Variants in DACT2 observed in about 807,000 individuals in gnomAD.
DACT2 encodes the protein dishevelled binding antagonist of beta catenin 2, also known as dapper homolog 2.
Under a neutral mutation model 22.2 loss-of-function variants are expected in DACT2, and 20 were observed. That is an observed-to-expected ratio of 0.90 (90% CI 0.63 to 1.31). DACT2 has a LOEUF of 1.31. Ranked by LOEUF, DACT2 falls within the 50% of genes most tolerant of loss-of-function variation. The probability of loss-of-function intolerance (pLI) is 0.00; values close to 1 mark genes in which losing one functional copy is unlikely to be tolerated. For synonymous variants in DACT2, 463 were observed against 479.8 expected, an observed-to-expected ratio of 0.96 and a Z score of 0.46; for missense variants, 1,048 against 1,061.4, an observed-to-expected ratio of 0.99 and a Z score of 0.18.
chr6:168,309,550 G>A (rs976478364), intron 3 of DACT2, among the ~76,000 whole-genome samples: 2 of 105,410 alleles, frequency 1.9e-5, no homozygotes, highest in African/African-American at 3.5e-5. Context: ...AGGGAGAATC[G>A]CCAGTTCAGC....
Position 168,311,174 on chromosome 6 carries a change from G to A in DACT2, c.357C>T (p.Asp119=), listed in dbSNP as rs1397714107. 5 of 1,543,218 alleles carry A rather than the reference G, an allele frequency of 3.2e-6. No homozygotes were observed. The highest frequency in any genetic ancestry group is 4.4e-6 in the Non-Finnish European group (5 of 1,142,090). Residue 119 remains aspartate, a synonymous_variant, in exon 2 of 4, where the codon GAC becomes GAT. Transcript: ENST00000366795. ...DVGTASGEAL[D]SDSRPSSGFY... ...TACCTGAGCTGGGCCTGCTGTCGCT[G>A]TCCAGGGCCTCCCCTGAGGCTGTGC... is the stretch of plus-strand genomic sequence containing the variant.
intron 4 of DACT2, chr6:168,294,577 GTATATATATATATA>G: frequency 8.3e-6 from 1 of 120,872 alleles, no homozygotes; most frequent in East Asian, 1.7e-4. Flanking sequence ...GTGTGTGTGT[GTATATATATATATA>G]TATATATATA....
rs563656887 is a variant in DACT2 at position 168,309,314 on chromosome 6, C to T, written c.659-216G>A. Reference sequence around the variant, plus strand: ...GGGAATGCGTTTAAGACACTGGGCGCGGGGCAGACGGGAATGCGTTTAGAC... The same window carrying T: ...GGGAATGCGTTTAAGACACTGGGCGTGGGGCAGACGGGAATGCGTTTAGAC... On this transcript the variant is annotated intron_variant, in intron 3 of 3. Coordinates refer to ENST00000366795, the MANE Select transcript of DACT2 (RefSeq NM_214462.5). Among the ~76,000 whole-genome samples, 224 of 152,086 alleles carry T rather than the reference C, an allele frequency of 1.5e-3. 4 individuals are homozygous for T. In the South Asian group the frequency reaches 0.033, roughly 23 times the overall value.
At chr6:168,300,790 T>G (rs1779088345) in intron 3 of DACT2, among the ~76,000 whole-genome samples, 1 of 151,994 alleles carries the variant, frequency 6.6e-6, no homozygotes, top group Non-Finnish European at 1.5e-5. Context: ...ATTGGGACCA[T>G]CCTGGCCAAC....
At position 168,307,269 on chromosome 6, in the gene DACT2, A is replaced by G. The variant is rs3734904; in HGVS notation, c.*163T>C. 0.39 allele frequency: 557,324 copies of G among 1,436,638 alleles called. 112,124 individuals are homozygous for G. Among genetic ancestry groups the G allele is most frequent in the African/African-American group, 0.66 (45,938 of 69,308 alleles). The allele number at this position is 1,436,638 out of a possible 1,614,324, so 89.0% of individuals were successfully genotyped here. On this transcript the variant is annotated 3_prime_UTR_variant, in exon 4 of 4. Transcript: ENST00000366795. The surrounding 1 kb of genome is among the most constrained non-coding windows in gnomAD (Gnocchi z 5.3). The stretch of plus-strand genomic sequence containing the variant: ...TTTGCTGGGGCGGGGACTCACGGCC[A>G]TACTCCACAGGGCAGAACCCATCTG...
downstream of DACT2, among the ~76,000 whole-genome samples, chr6:168,304,740 G>C (rs1779169821): frequency 6.6e-6 from 1 of 152,210 alleles, no homozygotes; most frequent in Non-Finnish European, 1.5e-5. Flanking sequence ...AGCTTCATTT[G>C]ATGAAGGAGG....
chr6:168,309,348 CA>C (rs1453932856), intron 3 of DACT2, among the ~76,000 whole-genome samples: 4 of 151,840 alleles, frequency 2.6e-5, no homozygotes, highest in East Asian at 1.9e-4. Flanking sequence ...ACACAGGGTG[CA>C]GGGCCTCATT....
Position 168,297,090 on chromosome 6 carries a change from A to G in DACT2, c.659-2386T>C, listed in dbSNP as rs1032246564. 3.9e-5 allele frequency among the ~76,000 whole-genome samples: 6 copies of G among 152,292 alleles called. No homozygotes were observed. The South Asian group carries it at 8.3e-4, about 21-fold the overall frequency. On this transcript the variant is annotated intron_variant, in intron 3 of 5. Coordinates refer to the DACT2 transcript ENST00000366796. The stretch of plus-strand genomic sequence containing the variant: ...TGCACATAATGAACCCTAATTAAAC[A>G]CCATTTTATATCTGTTTGATTTGGC...
intron 1 of DACT2, 33 bp from the exon 2 acceptor site, chr6:168,311,317 G>T (rs753470171): frequency 3.3e-6 from 5 of 1,517,060 alleles, no homozygotes; most frequent in African/African-American, 1.4e-5. Flanking sequence ...GGGAACTGTT[G>T]TACCTATGGA....
chr6:168,303,504 A>G (rs1044276240), downstream of DACT2, among the ~76,000 whole-genome samples: 1 of 152,046 alleles, frequency 6.6e-6, no homozygotes, highest in African/African-American at 2.4e-5. Context: ...TTCTCTCACC[A>G]TGTGTCTCTT....
chr6:168,293,521 T>G, exon 6 of DACT2: 1 of 201,342 alleles, frequency 5.0e-6, no homozygotes, highest in Non-Finnish European at 1.0e-5. Flanking sequence ...TAACATTCTG[T>G]CAACTACTTT....
chr6:168,304,117 C>T (rs145684620), downstream of DACT2, among the ~76,000 whole-genome samples: 173 of 152,286 alleles, frequency 1.1e-3, no homozygotes, highest in Middle Eastern at 6.8e-3. Context: ...GGAAACAGCT[C>T]CTCTGTCTTC....
chr6:168,304,093 C>T (rs1394810904), downstream of DACT2, among the ~76,000 whole-genome samples: 1 of 152,144 alleles, frequency 6.6e-6, no homozygotes, highest in Admixed American at 6.5e-5. Context: ...ACTTTTTAAT[C>T]ACTTGAGAGA....
chr6:168,308,511 G>C lies in DACT2; in HGVS notation c.1246C>G (p.Gln416Glu). Residue 416 changes from glutamine (Q) to glutamate (E), a missense_variant, in exon 4 of 4, where the codon CAG becomes GAG. Gln to Glu is a conservative substitution (Grantham distance 29). Coordinates refer to ENST00000366795, the MANE Select transcript of DACT2 (RefSeq NM_214462.5). ...CCCTCCTCTGGAAGGCTGCCAGACT[G>C]CTGGGGACCCTCAAGGGGCATGTAT... ...QGYMPLEGPQ[Q>E]SGSLPEEGSK... The C allele has an allele frequency of 6.4e-7, 1 of 1,551,432 alleles. No individual in the cohort carries two copies. The highest frequency in any genetic ancestry group is 8.7e-7 in the Non-Finnish European group (1 of 1,146,954).
intron 3 of DACT2, chr6:168,299,528 C>T (rs1418511996): frequency 6.6e-6 from 1 of 152,186 alleles, no homozygotes; most frequent in Non-Finnish European, 1.5e-5. Context: ...TATTCTACTC[C>T]AGGCACTGTT....
chr6:168,297,576 G>A (rs1779029355), intron 3 of DACT2, among the ~76,000 whole-genome samples: 1 of 152,196 alleles, frequency 6.6e-6, no homozygotes, highest in African/African-American at 2.4e-5. Flanking sequence ...CTCAGCCCAG[G>A]GAGAATGATT....
At chr6:168,318,813 T>C (rs1344918484) in intron 1 of DACT2, among the ~76,000 whole-genome samples, 2 of 152,186 alleles carry the variant, frequency 1.3e-5, no homozygotes, top group African/African-American at 2.4e-5. Flanking sequence ...GGTCACATTT[T>C]AAAGTTGAAG....
intron 1 of DACT2, among the ~76,000 whole-genome samples, chr6:168,311,645 C>CAT (rs1583300896): frequency 1.3e-5 from 2 of 148,836 alleles, no homozygotes; most frequent in East Asian, 3.9e-4. Context: ...CACACACACA[C>CAT]TCACACACAC....
At chr6:168,295,686 C>A (rs1290320374) in intron 3 of DACT2, among the ~76,000 whole-genome samples, 1 of 152,168 alleles carries the variant, frequency 6.6e-6, no homozygotes, top group Non-Finnish European at 1.5e-5. Context: ...AATATAAATG[C>A]AATTCCATTG....
Sources: gnomAD v4.1 joint callset for allele counts (sites outside exome capture counted in the v4.1 genomes callset) on GRCh38, gnomAD v4.1.1 for gene constraint, Gnocchi (gnomAD v3.1) non-coding constraint, MANE v1.5 for transcripts, NCBI Gene and HGNC (gene_info 2026-07-23, HGNC 2026-07-21) for gene names.